The following MON2 variants were observed in gnomAD, a reference collection of about 807,000 sequenced individuals.
MON2 encodes MON2 regulator of endosome-to-Golgi trafficking, also known as protein MON2 homolog.
Under a neutral mutation model 208.6 loss-of-function variants are expected in MON2, and 84 were observed. The observed-to-expected ratio is 0.40, with a 90% CI of 0.34 to 0.48. The LOEUF is 0.48. Among genes scored for constraint, MON2 ranks in the 20% least tolerant of loss-of-function variants. The probability of loss-of-function intolerance (pLI) is 0.59; values close to 1 mark genes in which losing one functional copy is unlikely to be tolerated. For missense variants in MON2, 1,611 were observed against 2,015.4 expected (o/e 0.80, Z 3.84); for synonymous variants, 660 against 694.0 (o/e 0.95, Z 0.77).
At chr12:62,502,421 AG>A (rs1482329114) in intron 7 of MON2, among the ~76,000 whole-genome samples, 1 of 151,160 alleles carries the variant, frequency 6.6e-6, no homozygotes, top group Non-Finnish European at 1.5e-5. Context: ...AAAAAAAAAA[AG>A]GAAGGAAAGA....
intron 26 of MON2, among the ~76,000 whole-genome samples, 186 bp downstream of exon 26, chr12:62,561,299 A>T (rs527717234): frequency 6.6e-6 from 1 of 152,220 alleles, no homozygotes; most frequent in African/African-American, 2.4e-5. Context: ...TGCATTTTGA[A>T]AGGTAATTCA....
rs183267956 is a variant in MON2, at chr12:62,524,768, A to G, written c.1109+129A>G. The G allele has an allele frequency of 4.9e-5, 47 of 964,848 alleles. No homozygotes were observed. In the Admixed American group the frequency reaches 1.3e-3, roughly 27 times the overall value. 59.8% of individuals were successfully genotyped at this position (964,848 alleles called of 1,614,324 possible). On this transcript the variant is annotated intron_variant, in intron 9 of 34. Transcript: ENST00000393630. Reference sequence around the variant, plus strand: ...TATTCCCAATATTAGTGATTTCTAAACAAAGAAAATAGGGTATTGTATCTA... The same window carrying G: ...TATTCCCAATATTAGTGATTTCTAAGCAAAGAAAATAGGGTATTGTATCTA...
At chr12:62,556,312 C>A in intron 25 of MON2, 120 bp downstream of exon 25, 2 of 984,346 alleles carry the variant, frequency 2.0e-6, no homozygotes, top group Non-Finnish European at 3.0e-6. Flanking sequence ...TGTGTGTAAG[C>A]ATCTGTGTTT....
chr12:62,571,306 A>AT (rs1367101636), intron 29 of MON2, 86 bp from the exon 30 acceptor site: 1 of 1,038,888 alleles, frequency 9.6e-7, no homozygotes, highest in Non-Finnish European at 1.4e-6. Context: ...TACCTATGCT[A>AT]TTTTTTCTCT....
intron 7 of MON2, among the ~76,000 whole-genome samples, chr12:62,502,205 G>A (rs2070873208): frequency 6.6e-6 from 1 of 152,054 alleles, no homozygotes; most frequent in African/African-American, 2.4e-5. Context: ...AGGCGACAGA[G>A]CAAGACTCTG....
chr12:62,488,154 A>G (rs2069904615), intron 2 of MON2, among the ~76,000 whole-genome samples: 1 of 152,092 alleles, frequency 6.6e-6, no homozygotes, highest in South Asian at 2.1e-4. Context: ...GAGTTTTATC[A>G]TCTTAAGTTC....
intron 2 of MON2, among the ~76,000 whole-genome samples, chr12:62,489,604 A>G (rs1284174906): frequency 1.3e-5 from 2 of 151,896 alleles, no homozygotes; most frequent in Non-Finnish European, 2.9e-5. Context: ...GTTGATAGTC[A>G]TTTTTATTTT....
Position 62,580,469 on chromosome 12 carries a change from A to C in MON2, c.4699+49A>C, listed in dbSNP as rs184508972. The C allele has an allele frequency of 3.1e-3, 4,621 of 1,471,016 alleles. 4 individuals carry two copies. The highest frequency in any genetic ancestry group is 3.4e-3 in the Non-Finnish European group (3,611 of 1,067,668). The allele number at this position is 1,471,016 out of a possible 1,614,324, so 91.1% of individuals were successfully genotyped here. On this transcript the variant is annotated intron_variant, in intron 32 of 34. Transcript: ENST00000393630. ...AAAAAGTATTGAAGTACTTTTGAAG[A>C]AACTGTCAGTAGAAATGTTTAATCC...
chr12:62,514,705 A>T (rs961262689), intron 8 of MON2, among the ~76,000 whole-genome samples: 4 of 152,214 alleles, frequency 2.6e-5, no homozygotes, highest in Admixed American at 6.5e-5. Context: ...TGAAAAGGCA[A>T]CACTTGGGAG....
intron 8 of MON2, among the ~76,000 whole-genome samples, chr12:62,512,592 C>A (rs991983904): frequency 6.6e-6 from 1 of 152,208 alleles, no homozygotes; most frequent in Non-Finnish European, 1.5e-5. Context: ...CTTCCAGGTG[C>A]TTTCATGGCC....
At chr12:62,522,149 T>C (rs1257913191) in intron 8 of MON2, among the ~76,000 whole-genome samples, 2 of 152,092 alleles carry the variant, frequency 1.3e-5, no homozygotes, top group Non-Finnish European at 2.9e-5. Context: ...ACTGAGCCAC[T>C]GTACTTCAGC....
chr12:62,515,027 C>T (rs542962035), intron 8 of MON2, among the ~76,000 whole-genome samples: 2 of 152,240 alleles, frequency 1.3e-5, no homozygotes, highest in African/African-American at 4.8e-5. Flanking sequence ...AACCCTTGTG[C>T]ACTGTTGGTG....
At chr12:62,571,026 G>A (rs1467317327) in intron 29 of MON2, among the ~76,000 whole-genome samples, 1 of 151,950 alleles carries the variant, frequency 6.6e-6, no homozygotes, top group Non-Finnish European at 1.5e-5. Context: ...CACCACGCTT[G>A]GCCAGAATTT....
intron 5 of MON2, 152 bp downstream of exon 5, chr12:62,499,200 A>T (rs2070705010): frequency 1.4e-6 from 1 of 731,668 alleles, no homozygotes; most frequent in East Asian, 3.0e-5. Context: ...CCTGAGGAAT[A>T]GGCTCCTTGT....
Position 62,532,532 on chromosome 12 carries a change from A to G in MON2, c.1495A>G (p.Ile499Val). The G allele has an allele frequency of 6.2e-7, 1 of 1,614,130 alleles. No homozygotes were observed. Among genetic ancestry groups the G allele is most frequent in the Non-Finnish European group, 8.5e-7 (1 of 1,179,988 alleles). ...TTGTTTGCTAGACCTTGTTCGTGGA[A>G]TCACAAGTATGATTGAAGGAGAGCT... ...FHCLLDLVRG[I>V]TSMIEGELGE... The change falls in exon 12 of 35, where the codon ATC becomes GTC. Residue 499 changes from isoleucine to valine, a missense_variant. Ile to Val is a conservative substitution (Grantham distance 29). Coordinates refer to ENST00000393630, the MANE Select transcript of MON2 (RefSeq NM_015026.3).
intron 26 of MON2, among the ~76,000 whole-genome samples, chr12:62,562,523 A>G (rs530106086): frequency 2.0e-5 from 3 of 152,158 alleles, no homozygotes; most frequent in Non-Finnish European, 2.9e-5. Flanking sequence ...GTGTTGTATG[A>G]TTACCTAAAT....
At chr12:62,581,650 A>G (rs908145117) in intron 32 of MON2, among the ~76,000 whole-genome samples, 1 of 152,162 alleles carries the variant, frequency 6.6e-6, no homozygotes, top group African/African-American at 2.4e-5. Flanking sequence ...AGCCTGGCCA[A>G]CACGGTGAAA....
At chr12:62,570,848 C>T (rs1194087873) in intron 29 of MON2, among the ~76,000 whole-genome samples, 1 of 147,696 alleles carries the variant, frequency 6.8e-6, no homozygotes. Context: ...TTCTCTGCCT[C>T]AGCCTCCTGA....
In MON2 at chr12:62,556,202, CA is replaced by C; in HGVS notation, c.3409+11del. 3 of 1,611,152 alleles carry C rather than the reference CA, an allele frequency of 1.9e-6. No individual in the cohort carries two copies. Among genetic ancestry groups the C allele is most frequent in the Non-Finnish European group, 2.5e-6 (3 of 1,178,584 alleles). ...TTGCTGCAGCCTTTAGGTATACGTA[CA>C]TTTTTTTCTGATTATACAAGTAATT... On this transcript the variant is annotated intron_variant, in intron 25 of 34. Transcript: ENST00000393630.
Sources: allele counts gnomAD v4.1 joint callset (sites outside exome capture counted in the v4.1 genomes callset), GRCh38; gene constraint gnomAD v4.1.1; transcripts MANE v1.5; gene names NCBI Gene and HGNC (gene_info 2026-07-23, HGNC 2026-07-21).